DNPEP: variants seen among roughly 807,000 people sequenced by gnomAD.
DNPEP encodes the protein aspartyl aminopeptidase.
DNPEP carries 46 observed loss-of-function variants against 59.1 expected under a neutral mutation model. That is an observed-to-expected ratio of 0.78 (90% confidence interval 0.61 to 0.99). The LOEUF (loss-of-function observed/expected upper bound fraction) is 0.99, where lower values mean the gene tolerates loss of function less well. DNPEP is among the 50% of genes least tolerant of loss of function. The pLI, the probability that DNPEP is intolerant of heterozygous loss-of-function variation, is 0.00. For missense variants in DNPEP, 617 were observed against 649.9 expected (o/e 0.95, Z 0.55); for synonymous variants, 229 against 242.2 (o/e 0.95, Z 0.50).
rs764507131 is a variant in DNPEP, at chr2:219,385,688, T to G, written c.609A>C (p.Thr203=). ...CCTTCTCCAGCTCCTCCTGGATGGC[T>G]GTGGCAAGAATGGGGACTCTGTGGG... ...TEMHLVPILA[T]AIQEELEKGT... The change falls in exon 7 of 15, where the codon ACA becomes ACC. Residue 203 remains threonine, a synonymous_variant. Coordinates refer to ENST00000273075, the MANE Select transcript of DNPEP (RefSeq NM_012100.4). 5 of 1,606,572 alleles carry G rather than the reference T, an allele frequency of 3.1e-6. No homozygotes were observed. The highest frequency in any genetic ancestry group is 4.3e-6 in the Non-Finnish European group (5 of 1,176,146).
At chr2:219,394,865 T>A (rs1480469293) in intron 1 of DNPEP, among the ~76,000 whole-genome samples, 1 of 152,058 alleles carries the variant, frequency 6.6e-6, no homozygotes, top group East Asian at 1.9e-4. Context: ...ATTCTTCCCA[T>A]CTCAGTGTTG....
upstream of DNPEP, among the ~76,000 whole-genome samples, chr2:219,390,830 C>CA (rs200384212): frequency 3.0e-3 from 446 of 146,932 alleles, 2 homozygotes; most frequent in African/African-American, 9.3e-3. Flanking sequence ...GACTCCAACT[C>CA]AAAAAAAAAA....
At chr2:219,387,548 A>G in intron 1 of DNPEP, 7 of 1,392,318 alleles carry the variant, frequency 5.0e-6, no homozygotes, top group Non-Finnish European at 6.5e-6. Context: ...TACCCCAAGG[A>G]GCACCCTGAC....
chr2:219,398,589 G>C (rs1954135420), intron 1 of DNPEP, among the ~76,000 whole-genome samples: 1 of 152,098 alleles, frequency 6.6e-6, no homozygotes, highest in Non-Finnish European at 1.5e-5. Context: ...GATGGAGGTT[G>C]CAGTGAGCCG....
chr2:219,398,807 T>C (rs1575004619), intron 1 of DNPEP, among the ~76,000 whole-genome samples: 1 of 152,118 alleles, frequency 6.6e-6, no homozygotes, highest in Non-Finnish European at 1.5e-5. Flanking sequence ...CACCCAAGGG[T>C]AATGTCTGCC....
At chr2:219,390,001 A>G (rs1416466840), upstream of DNPEP, among the ~76,000 whole-genome samples, 3 of 152,148 alleles carry the variant, frequency 2.0e-5, no homozygotes, top group Non-Finnish European at 4.4e-5. Context: ...ATAAGGAACC[A>G]CCTTTAATGT....
At chr2:219,388,634 C>A, upstream of DNPEP, 1 of 953,182 alleles carries the variant, frequency 1.0e-6, no homozygotes, top group Non-Finnish European at 1.2e-6. Context: ...GCTAGGACAG[C>A]CGCGGACGGC....
At chr2:219,392,971 A>G (rs186717605), upstream of DNPEP, among the ~76,000 whole-genome samples, 1 of 151,972 alleles carries the variant, frequency 6.6e-6, no homozygotes, top group Non-Finnish European at 1.5e-5. Flanking sequence ...CAAAACCCCA[A>G]CCCTGACTGC....
chr2:219,374,976 G>T lies in DNPEP; in HGVS notation c.1286C>A (p.Pro429His). 1 of 1,614,168 alleles carries T rather than the reference G, an allele frequency of 6.2e-7. No homozygotes were observed. The highest frequency in any genetic ancestry group is 8.5e-7 in the Non-Finnish European group (1 of 1,180,032). The change falls in exon 14 of 15, where the codon CCT (proline) becomes CAT (histidine). Residue 429 changes from proline to histidine, a missense_variant. Pro to His is a moderately conservative substitution (Grantham distance 77, BLOSUM62 -2). Transcript: ENST00000273075. ...NDTPCGTTIG[P>H]ILASRLGLRV... ...CAGCCCCAGCCGAGAAGCCAAGATA[G>T]GTCCAATGGTGGTTCCACAGGGGGT... is the stretch of plus-strand genomic sequence containing the variant.
Position 219,387,755 on chromosome 2 carries a change from T to C in DNPEP, c.36+4A>G, listed in dbSNP as rs1014023015. ...TTCAAGTGGGGCCGTCGGGAGCCAC[T>C]TACCTGCATGGCCCCGCGCGTGGGG... On this transcript the variant is annotated splice_donor_region_variant and intron_variant, in intron 1 of 14. Transcript: ENST00000273075. The C allele has an allele frequency of 2.5e-6, 4 of 1,607,770 alleles. No homozygotes were observed. The highest frequency in any genetic ancestry group is 3.4e-6 in the Non-Finnish European group (4 of 1,177,718).
At chr2:219,385,789 G>A (rs1384176712) in intron 6 of DNPEP, 83 bp from the exon 7 acceptor site, 4 of 1,413,494 alleles carry the variant, frequency 2.8e-6, no homozygotes, top group Non-Finnish European at 3.9e-6. Context: ...GCCTCCTGAT[G>A]GGCAACTGCC....
In DNPEP at chr2:219,384,363, C is replaced by A. The variant is rs1254774654; in HGVS notation, c.852+3G>T. On this transcript the variant is annotated splice_donor_region_variant and intron_variant, in intron 9 of 14. Transcript: ENST00000273075. ...TGCTGCCTGGGGCGCCCCGGCTCCT[C>A]ACCTGCAGGGCACAGAAGCAGCTGT... is the stretch of plus-strand genomic sequence containing the variant. The A allele has an allele frequency of 1.2e-6, 2 of 1,608,006 alleles. No individual in the cohort carries two copies. Among genetic ancestry groups the A allele is most frequent in the African/African-American group, 2.7e-5 (2 of 74,716 alleles).
intron 11 of DNPEP, 96 bp downstream of exon 11, chr2:219,381,883 G>T: frequency 6.9e-7 from 1 of 1,454,112 alleles, no homozygotes; most frequent in Non-Finnish European, 9.4e-7. Context: ...GAAGAAGGGA[G>T]AAAGGAAGAG....
chr2:219,384,642 C>T lies in DNPEP; in HGVS notation c.775-199G>A, dbSNP rs527830904. On this transcript the variant is annotated intron_variant, in intron 8 of 14. Transcript: ENST00000273075. ...GAAGTGCAATGGCTCGATCTCGGCT[C>T]ACTGCAACTTCCGCCTCCCGGGTTC... The T allele has an allele frequency of 5.3e-4, 244 of 462,266 alleles. 1 individual carries two copies. Among genetic ancestry groups the T allele is most frequent in the African/African-American group, 3.2e-3 (159 of 49,492 alleles). The allele number at this position is 462,266 out of a possible 1,614,324, so 28.6% of individuals were successfully genotyped here.
intron 1 of DNPEP, among the ~76,000 whole-genome samples, chr2:219,396,062 T>C (rs2125153592): frequency 6.6e-6 from 1 of 152,210 alleles, no homozygotes; most frequent in African/African-American, 2.4e-5. Context: ...CTCAGGTGCC[T>C]TATGCTGAGT....
chr2:219,394,401 C>T (rs935759315), intron 1 of DNPEP, among the ~76,000 whole-genome samples: 1 of 152,210 alleles, frequency 6.6e-6, no homozygotes, highest in Non-Finnish European at 1.5e-5. Flanking sequence ...TCTTCTGGCT[C>T]CTCCTCATCT....
Position 219,383,154 on chromosome 2 carries a change from C to A in DNPEP, c.913G>T (p.Val305Phe), listed in dbSNP as rs753575525. The change falls in exon 10 of 15, where the codon GTC (valine) becomes TTC (phenylalanine). Residue 305 changes from valine (V) to phenylalanine (F), a missense_variant. By Grantham distance (50) the Val-to-Phe change is conservative. Coordinates refer to ENST00000273075, the MANE Select transcript of DNPEP (RefSeq NM_012100.4). ...ACCTCTTCGTTGTCATAGAGTGTGACCATGCGCACGTGAGGCTCTGTGGCC... is the reference window on the plus strand; with the variant it reads ...ACCTCTTCGTTGTCATAGAGTGTGAACATGCGCACGTGAGGCTCTGTGGCC... ...SLATEPHVRM[V>F]TLYDNEEVGS... 1.2e-6 allele frequency: 2 copies of A among 1,614,082 alleles called. No individual in the cohort carries two copies. The highest frequency in any genetic ancestry group is 1.7e-6 in the Non-Finnish European group (2 of 1,180,032).
intron 13 of DNPEP, among the ~76,000 whole-genome samples, chr2:219,376,404 C>T (rs969320944): frequency 2.6e-5 from 4 of 151,456 alleles, no homozygotes; most frequent in African/African-American, 9.7e-5. Flanking sequence ...ATGAGACTCT[C>T]TTGCACCTGT....
chr2:219,383,060 G>A (rs1478358070), intron 10 of DNPEP, 71 bp downstream of exon 10: 5 of 1,447,556 alleles, frequency 3.5e-6, no homozygotes, highest in South Asian at 1.2e-5. Context: ...GGCTCACGGT[G>A]GATGCCTGGC....
Sources: gnomAD v4.1 joint callset for allele counts (sites outside exome capture counted in the v4.1 genomes callset) on GRCh38, gnomAD v4.1.1 for gene constraint, MANE v1.5 for transcripts, NCBI Gene and HGNC (gene_info 2026-07-23, HGNC 2026-07-21) for gene names.